LGR4: variants seen among roughly 807,000 people sequenced by gnomAD.
LGR4 encodes leucine rich repeat containing G protein-coupled receptor 4.
In LGR4, 44 loss-of-function variants were observed where a neutral mutation model predicts 84.8. The observed-to-expected ratio is 0.52, with a 90% CI of 0.41 to 0.67. The LOEUF (loss-of-function observed/expected upper bound fraction) is 0.67, where lower values mean the gene tolerates loss of function less well. LGR4 is among the 30% of genes least tolerant of loss of function. The probability of loss-of-function intolerance (pLI) is 0.00; values close to 1 mark genes in which losing one functional copy is unlikely to be tolerated. For missense variants in LGR4, 1,032 were observed against 1,131.4 expected, an observed-to-expected ratio of 0.91 and a Z score of 1.26; for synonymous variants, 429 against 434.3, an observed-to-expected ratio of 0.99 and a Z score of 0.15.
rs1211752298 is a variant in LGR4, at chr11:27,367,852, T to C, written c.*15A>G. 1 of 1,553,238 alleles carries C rather than the reference T, an allele frequency of 6.4e-7. No homozygotes were observed. Among genetic ancestry groups the C allele is most frequent in the East Asian group, 2.2e-5 (1 of 44,522 alleles). The stretch of plus-strand genomic sequence containing the variant: ...GATTTTGGTTGACGGGGGAAACGGT[T>C]ACACACACAGTAGTTCAGTCTTTAA... On this transcript the variant is annotated 3_prime_UTR_variant, in exon 18 of 18. Transcript: ENST00000379214.
intron 11 of LGR4, among the ~76,000 whole-genome samples, chr11:27,377,937 T>C (rs1327880851): frequency 6.6e-6 from 1 of 152,198 alleles, no homozygotes; most frequent in African/African-American, 2.4e-5. Context: ...GATATACAAA[T>C]ATTTACTATT....
chr11:27,404,206 C>T (rs745413274), intron 2 of LGR4, among the ~76,000 whole-genome samples: 48 of 152,240 alleles, frequency 3.2e-4, no homozygotes, highest in Admixed American at 7.9e-4. Flanking sequence ...TCATTTGCCT[C>T]GCTACACTTT....
At position 27,472,396 on chromosome 11, in the gene LGR4, G is replaced by C. The variant is rs1040906829; in HGVS notation, c.-94C>G. 145 of 1,006,546 alleles carry C rather than the reference G, an allele frequency of 1.4e-4. No individual in the cohort carries two copies. In the African/African-American group the frequency reaches 2.3e-3, roughly 16 times the overall value. The allele number at this position is 1,006,546 out of a possible 1,614,324, so 62.4% of individuals were successfully genotyped here. A position where few individuals can be genotyped will look rare whatever the true frequency, so the allele number is the denominator to read the frequency against. On this transcript the variant is annotated 5_prime_UTR_variant, in exon 1 of 18. Coordinates refer to ENST00000379214, the MANE Select transcript of LGR4 (RefSeq NM_018490.5). ...CGCCGCCCCCGGGCAGCCGGCCTGC[G>C]GGCTGGAGCGGGGGTCTCTTCCTCG...
At chr11:27,434,953 T>C (rs1311033887) in intron 1 of LGR4, among the ~76,000 whole-genome samples, 1 of 152,118 alleles carries the variant, frequency 6.6e-6, no homozygotes, top group Non-Finnish European at 1.5e-5. Context: ...ACAATACCCC[T>C]AGTTTTCATA....
At chr11:27,433,139 A>G (rs1472368463) in intron 1 of LGR4, among the ~76,000 whole-genome samples, 1 of 152,238 alleles carries the variant, frequency 6.6e-6, no homozygotes, top group Non-Finnish European at 1.5e-5. Context: ...ACTAAAACAA[A>G]AAACTGACAC....
chr11:27,419,453 ATGCTGT>A (rs1413082820), intron 1 of LGR4, among the ~76,000 whole-genome samples: 1 of 151,894 alleles, frequency 6.6e-6, no homozygotes, highest in Non-Finnish European at 1.5e-5. Flanking sequence ...GAACTCTCAT[ATGCTGT>A]TGGCAACAAG....
At chr11:27,449,306 G>A (rs1052470696) in intron 1 of LGR4, among the ~76,000 whole-genome samples, 1 of 152,172 alleles carries the variant, frequency 6.6e-6, no homozygotes, top group Admixed American at 6.5e-5. Context: ...ATGTCAGCCA[G>A]GCGAGATGGC....
At chr11:27,438,951 T>C (rs1193571292) in intron 1 of LGR4, among the ~76,000 whole-genome samples, 1 of 152,140 alleles carries the variant, frequency 6.6e-6, no homozygotes, top group African/African-American at 2.4e-5. Flanking sequence ...ATATCCTATA[T>C]ATATTCTACT....
chr11:27,368,358 A>G lies in LGR4; in HGVS notation c.2365T>C (p.Phe789Leu). ...PEIMKSVTLI[F>L]FPLPACLNPV... ...TTCAGGCAAGCAGGCAATGGAAAAA[A>G]TATCAGAGTAACAGACTTCATTATT... Residue 789 changes from phenylalanine (F) to leucine (L), a missense_variant, in exon 18 of 18, where the codon TTT becomes CTT. Transcript: ENST00000379214. The G allele has an allele frequency of 1.2e-6, 2 of 1,614,234 alleles. No homozygotes were observed. Among genetic ancestry groups the G allele is most frequent in the Middle Eastern group, 1.6e-4 (1 of 6,062 alleles).
At chr11:27,440,246 G>A (rs1189207661) in intron 1 of LGR4, among the ~76,000 whole-genome samples, 5 of 152,082 alleles carry the variant, frequency 3.3e-5, no homozygotes, top group African/African-American at 1.2e-4. Context: ...CCACAGTGGA[G>A]GGGTGTGGAG....
chr11:27,373,594 T>C lies in LGR4; in HGVS notation c.1336A>G (p.Lys446Glu). 1 of 1,601,504 alleles carries C rather than the reference T, an allele frequency of 6.2e-7. No homozygotes were observed. Residue 446 changes from lysine (K) to glutamate (E), a missense_variant, in exon 15 of 18, where the codon AAG (lysine) becomes GAG (glutamate). By Grantham distance (56) the Lys-to-Glu change is moderately conservative. Transcript: ENST00000379214. ...TTTGCTGCTAAGGCTTCTTTCAGCT[T>C]GAAGTTGCCCACAAGTTTCAGTTGA... ...LNQLKLVGNF[K>E]LKEALAAKDF...
At chr11:27,401,535 C>T (rs1863503533) in intron 2 of LGR4, among the ~76,000 whole-genome samples, 1 of 152,120 alleles carries the variant, frequency 6.6e-6, no homozygotes, top group South Asian at 2.1e-4. Flanking sequence ...AAAAATACAG[C>T]TAACGTCAAC....
chr11:27,389,842 T>C (rs1483710717), intron 4 of LGR4, among the ~76,000 whole-genome samples: 2 of 152,148 alleles, frequency 1.3e-5, no homozygotes, highest in East Asian at 3.9e-4. Flanking sequence ...CTCATTCCCA[T>C]TGATTCATTT....
intron 1 of LGR4, among the ~76,000 whole-genome samples, chr11:27,439,485 T>G (rs1040386235): frequency 2.0e-5 from 3 of 152,222 alleles, no homozygotes; most frequent in African/African-American, 4.8e-5. Context: ...AATGGACATG[T>G]GGGGTGCTTC....
intron 2 of LGR4, 145 bp downstream of exon 2, chr11:27,412,644 A>T (rs1391955962): frequency 8.9e-6 from 6 of 672,690 alleles, no homozygotes; most frequent in Middle Eastern, 4.9e-4. Flanking sequence ...TTCCCCCAAG[A>T]AACATGATTT....
In LGR4 at chr11:27,384,393, T is replaced by C. The variant is rs1246815630; in HGVS notation, c.632A>G (p.Asn211Ser). 1.9e-6 allele frequency: 3 copies of C among 1,609,590 alleles called. No homozygotes were observed. Among genetic ancestry groups the C allele is most frequent in the African/African-American group, 1.3e-5 (1 of 74,840 alleles). The change falls in exon 6 of 18, where the codon AAT becomes AGT. Residue 211 changes from asparagine (N) to serine (S), a missense_variant. Transcript: ENST00000379214. ...SSLVVLHLHN[N>S]KIRSLSQHCF... ...GTGTTGACTCAGGCTTCTAATTTTA[T>C]TGTTATGAAGATGCCTAAGGGGGAA...
intron 1 of LGR4, among the ~76,000 whole-genome samples, chr11:27,436,880 C>T (rs1277540825): frequency 6.6e-6 from 1 of 151,982 alleles, no homozygotes; most frequent in Non-Finnish European, 1.5e-5. Context: ...TTAGCTATAC[C>T]AGTCTTTGCA....
In LGR4 at chr11:27,459,711, A is replaced by G. The variant is rs372607099; in HGVS notation, c.185+12407T>C. ...AGGCTGGTCTCGAACTCCTGACCTC[A>G]TGATCCACCCACCTCGGCCTCCCAA... On this transcript the variant is annotated intron_variant, in intron 1 of 17. Transcript: ENST00000379214. Among the ~76,000 whole-genome samples the G allele has an allele frequency of 5.3e-3, 796 of 150,536 alleles. 7 individuals are homozygous for G. The highest frequency in any genetic ancestry group is 0.015 in the African/African-American group (635 of 41,106).
intron 2 of LGR4, among the ~76,000 whole-genome samples, chr11:27,409,255 A>G (rs994812071): frequency 6.6e-6 from 1 of 152,132 alleles, no homozygotes; most frequent in Non-Finnish European, 1.5e-5. Context: ...GTCCCAGCAC[A>G]TCACTCACAG....
Sources: allele counts gnomAD v4.1 joint callset (sites outside exome capture counted in the v4.1 genomes callset), GRCh38; gene constraint gnomAD v4.1.1; transcripts MANE v1.5; gene names NCBI Gene and HGNC (gene_info 2026-07-23, HGNC 2026-07-21).